ST6GAL2: variants seen among roughly 807,000 people sequenced by gnomAD.
ST6GAL2 encodes ST6 beta-galactoside alpha-2,6-sialyltransferase 2, also known as beta-galactoside alpha-2,6-sialyltransferase 2.
In ST6GAL2, 24 loss-of-function variants were observed where a neutral mutation model predicts 37.5. That is an observed-to-expected ratio of 0.64 (90% CI 0.46 to 0.90). The LOEUF is 0.90. Ranked by LOEUF, ST6GAL2 falls within the 40% of genes least tolerant of loss-of-function variation. The pLI, the probability that ST6GAL2 is intolerant of heterozygous loss-of-function variation, is 0.00. For synonymous variants in ST6GAL2, 306 were observed against 295.1 expected, an observed-to-expected ratio of 1.04 and a Z score of -0.38; for missense variants, 715 against 712.7, an observed-to-expected ratio of 1.00 and a Z score of -0.04.
intron 1 of ST6GAL2, among the ~76,000 whole-genome samples, chr2:106,848,193 T>G (rs1677221964): frequency 6.6e-6 from 1 of 152,024 alleles, no homozygotes; most frequent in Admixed American, 6.6e-5. Context: ...TTCATCTGAT[T>G]GATCTTTCTG....
At chr2:106,871,411 AT>A (rs765979899) in intron 1 of ST6GAL2, among the ~76,000 whole-genome samples, 7 of 152,290 alleles carry the variant, frequency 4.6e-5, no homozygotes, top group African/African-American at 1.7e-4. Flanking sequence ...TACAAAAAAA[AT>A]GGTTTTCTTT....
chr2:106,825,176 A>G (rs1275730524), intron 5 of ST6GAL2: 1 of 152,264 alleles, frequency 6.6e-6, no homozygotes, highest in East Asian at 1.9e-4. Context: ...TGTGTATAAC[A>G]AAGATAATGT....
At chr2:106,871,973 C>T (rs192360271) in intron 1 of ST6GAL2, among the ~76,000 whole-genome samples, 77 of 152,278 alleles carry the variant, frequency 5.1e-4, no homozygotes, top group South Asian at 2.1e-4. Context: ...AAGTATTATG[C>T]CCTGTATATA....
At chr2:106,830,395 G>C (rs1259021515) in intron 4 of ST6GAL2, among the ~76,000 whole-genome samples, 155 bp from the exon 5 acceptor site, 1 of 152,196 alleles carries the variant, frequency 6.6e-6, no homozygotes, top group Non-Finnish European at 1.5e-5. Flanking sequence ...TTCCTCATTG[G>C]GATGAGGGGA....
chr2:106,835,770 A>G (rs1186143026), intron 2 of ST6GAL2, among the ~76,000 whole-genome samples: 1 of 152,226 alleles, frequency 6.6e-6, no homozygotes, highest in African/African-American at 2.4e-5. Context: ...GCTCTGTAAA[A>G]AAGTCTGCCA....
rs58635042 is a variant in ST6GAL2 at position 106,846,827 on chromosome 2, C to A, written c.-57-2793G>T. Among the ~76,000 whole-genome samples, 306 of 152,310 alleles carry A rather than the reference C, an allele frequency of 2.0e-3. 1 individual carries two copies. Among genetic ancestry groups the A allele is most frequent in the African/African-American group, 7.1e-3 (296 of 41,568 alleles). On this transcript the variant is annotated intron_variant, in intron 1 of 5. Transcript: ENST00000409382. The stretch of plus-strand genomic sequence containing the variant: ...CAGTTAGCTTACTATATATACAGGT[C>A]TGTGGTTAGCACTTGTTCTGGATTA...
At chr2:106,826,215 T>G (rs1676196993) in intron 5 of ST6GAL2, among the ~76,000 whole-genome samples, 1 of 152,154 alleles carries the variant, frequency 6.6e-6, no homozygotes, top group Non-Finnish European at 1.5e-5. Context: ...GCGTAAATTA[T>G]AAAGGAAAGA....
rs368707105 is a variant in ST6GAL2 at position 106,862,721 on chromosome 2, A to G, written c.-57-18687T>C. Among the ~76,000 whole-genome samples, 48 of 152,304 alleles carry G rather than the reference A, an allele frequency of 3.2e-4. 1 individual carries two copies. The highest frequency in any genetic ancestry group is 1.1e-3 in the African/African-American group (45 of 41,566). ...ACAAAATATCAGTCTAAGTGAAAAC[A>G]AGTAAGAAGCATGGGCTGAGAGGAT... On this transcript the variant is annotated intron_variant, in intron 1 of 5. Transcript: ENST00000409382.
At chr2:106,833,483 T>C (rs1027038547) in intron 3 of ST6GAL2, among the ~76,000 whole-genome samples, 2 of 152,198 alleles carry the variant, frequency 1.3e-5, no homozygotes, top group Non-Finnish European at 2.9e-5. Flanking sequence ...TCACCTCACT[T>C]TTTTCTACAT....
intron 2 of ST6GAL2, among the ~76,000 whole-genome samples, chr2:106,836,944 C>CCAAA (rs751387904): frequency 1.2e-5 from 1 of 85,726 alleles, no homozygotes; most frequent in Non-Finnish European, 2.0e-5. Flanking sequence ...AATTCCATCT[C>CCAAA]AAAAAAAAAA....
At chr2:106,877,575 C>G (rs1228030614) in intron 1 of ST6GAL2, among the ~76,000 whole-genome samples, 1 of 152,178 alleles carries the variant, frequency 6.6e-6, no homozygotes, top group African/African-American at 2.4e-5. Context: ...TAGAGACTGT[C>G]AGTACCAAAT....
chr2:106,836,944 C>CAAAAAAAAAAAAAA (rs10700905), intron 2 of ST6GAL2, among the ~76,000 whole-genome samples: 2 of 85,708 alleles, frequency 2.3e-5, no homozygotes, highest in African/African-American at 1.0e-4. Context: ...AATTCCATCT[C>CAAAAAAAAAAAAAA]AAAAAAAAAA....
At chr2:106,844,055 A>T in intron 1 of ST6GAL2, 21 bp from the exon 2 acceptor site, 1 of 1,236,260 alleles carries the variant, frequency 8.1e-7, no homozygotes. Context: ...GCCAGATGGC[A>T]GTTAGCCAAC....
At chr2:106,883,162 C>T (rs541719147) in intron 1 of ST6GAL2, among the ~76,000 whole-genome samples, 2 of 152,152 alleles carry the variant, frequency 1.3e-5, no homozygotes, top group South Asian at 4.1e-4. Flanking sequence ...AGGTAGATGC[C>T]AAGTATTTTG....
intron 1 of ST6GAL2, among the ~76,000 whole-genome samples, chr2:106,875,678 T>A (rs778275127): frequency 1.8e-4 from 28 of 152,246 alleles, no homozygotes; most frequent in Non-Finnish European, 2.6e-4. Flanking sequence ...CTACAAGGAA[T>A]CTATATGACT....
intron 1 of ST6GAL2, among the ~76,000 whole-genome samples, chr2:106,848,420 G>C (rs1189953777): frequency 6.6e-6 from 1 of 152,178 alleles, no homozygotes; most frequent in Non-Finnish European, 1.5e-5. Flanking sequence ...GCTCTGGTGG[G>C]CAACTAAAAA....
At chr2:106,825,128 C>T (rs1471791071) in intron 5 of ST6GAL2, 1 of 152,250 alleles carries the variant, frequency 6.6e-6, no homozygotes, top group African/African-American at 2.4e-5. Context: ...GCTATTCATG[C>T]CTTTGTATAG....
At chr2:106,877,009 G>A (rs777616789) in intron 1 of ST6GAL2, among the ~76,000 whole-genome samples, 26 of 152,128 alleles carry the variant, frequency 1.7e-4, no homozygotes, top group Non-Finnish European at 3.5e-4. Flanking sequence ...GGTAGGTGGG[G>A]GAAAGTAAAG....
At chr2:106,854,046 G>A (rs946678206) in intron 1 of ST6GAL2, among the ~76,000 whole-genome samples, 2 of 152,218 alleles carry the variant, frequency 1.3e-5, no homozygotes, top group Admixed American at 6.5e-5. Context: ...GAAGATGGAA[G>A]ATGTATACCT....
Sources: allele counts gnomAD v4.1 joint callset (sites outside exome capture counted in the v4.1 genomes callset), GRCh38; gene constraint gnomAD v4.1.1; transcripts MANE v1.5; gene names NCBI Gene and HGNC (gene_info 2026-07-23, HGNC 2026-07-21).